Variants in ST8SIA5 observed in about 807,000 individuals in gnomAD.
ST8SIA5 encodes alpha-2,8-sialyltransferase 8E.
In ST8SIA5, 24 loss-of-function variants were observed where a neutral mutation model predicts 40.2. That is an observed-to-expected ratio of 0.60 (90% confidence interval 0.43 to 0.84). The LOEUF is 0.84. Ranked by LOEUF, ST8SIA5 falls within the 40% of genes least tolerant of loss-of-function variation. The pLI is 0.00. For synonymous variants in ST8SIA5, 198 were observed against 201.8 expected, an observed-to-expected ratio of 0.98 and a Z score of 0.16; for missense variants, 465 against 498.5, an observed-to-expected ratio of 0.93 and a Z score of 0.64.
At chr18:46,711,269 A>G (rs903925681) in intron 1 of ST8SIA5, among the ~76,000 whole-genome samples, 1 of 152,158 alleles carries the variant, frequency 6.6e-6, no homozygotes, top group Non-Finnish European at 1.5e-5. Context: ...ACAACTGTCC[A>G]TGACAGCCTG....
rs999889087 is a variant in ST8SIA5 at position 46,674,134 on chromosome 18, A to G, written c.*5908T>C. On this transcript the variant is annotated 3_prime_UTR_variant, in exon 7 of 7. Transcript: ENST00000315087. ...AACACCATTGATAAATCCCTCTTAC[A>G]TTGCTTCCCAGGCTGCACCTCAGCC... is the stretch of plus-strand genomic sequence containing the variant. 1.3e-5 allele frequency: 2 copies of G among 152,008 alleles called. No individual in the cohort carries two copies. The highest frequency in any genetic ancestry group is 4.8e-5 in the African/African-American group (2 of 41,344). The allele number at this position is 152,008 out of a possible 1,614,324, so 9.4% of individuals were successfully genotyped here.
intron 5 of ST8SIA5, 163 bp downstream of exon 5, chr18:46,686,011 A>G (rs2039442349): frequency 3.0e-6 from 2 of 659,754 alleles, no homozygotes; most frequent in Non-Finnish European, 5.3e-6. Context: ...ACTTCCCCAA[A>G]GGGATGGGGC....
chr18:46,731,881 A>T (rs1488076406), intron 1 of ST8SIA5: 6 of 152,160 alleles, frequency 3.9e-5, no homozygotes, highest in African/African-American at 1.4e-4. Context: ...ACCGCACATT[A>T]ATCATTTATA....
chr18:46,724,920 A>G (rs2039898780), intron 1 of ST8SIA5, among the ~76,000 whole-genome samples: 1 of 151,738 alleles, frequency 6.6e-6, no homozygotes, highest in Non-Finnish European at 1.5e-5. Context: ...GATTGCAGTG[A>G]GGAGAGATCA....
chr18:46,711,061 A>G (rs971352680), intron 1 of ST8SIA5, among the ~76,000 whole-genome samples: 4 of 152,132 alleles, frequency 2.6e-5, no homozygotes, highest in African/African-American at 9.7e-5. Flanking sequence ...AGAACCATGG[A>G]GTTGTTTATT....
intron 1 of ST8SIA5, among the ~76,000 whole-genome samples, chr18:46,733,019 A>G (rs2039999923): frequency 6.6e-6 from 1 of 152,092 alleles, no homozygotes; most frequent in Non-Finnish European, 1.5e-5. Context: ...GGGAGGCTGG[A>G]CCCAGGGCTC....
At chr18:46,683,226 A>C (rs1432669861) in intron 5 of ST8SIA5, among the ~76,000 whole-genome samples, 1 of 152,208 alleles carries the variant, frequency 6.6e-6, no homozygotes, top group African/African-American at 2.4e-5. Context: ...CAGTTGATAC[A>C]AAGGCACCAT....
At chr18:46,726,102 G>A (rs2039927009) in intron 1 of ST8SIA5, among the ~76,000 whole-genome samples, 2 of 142,836 alleles carry the variant, frequency 1.4e-5, no homozygotes, top group South Asian at 4.5e-4. Flanking sequence ...GCTGAGGCAG[G>A]AGAATTGCTT....
At chr18:46,736,597 T>C (rs1319680463) in intron 1 of ST8SIA5, among the ~76,000 whole-genome samples, 2 of 152,070 alleles carry the variant, frequency 1.3e-5, no homozygotes, top group Non-Finnish European at 2.9e-5. Context: ...TTGTGGGGTG[T>C]GGTTTATTTC....
chr18:46,723,931 A>T (rs1599135168), intron 1 of ST8SIA5, among the ~76,000 whole-genome samples: 1 of 152,164 alleles, frequency 6.6e-6, no homozygotes. Context: ...CATCTAAAAA[A>T]AAAAAAGAAA....
At chr18:46,705,662 T>C (rs2039662969) in intron 1 of ST8SIA5, among the ~76,000 whole-genome samples, 1 of 152,218 alleles carries the variant, frequency 6.6e-6, no homozygotes, top group South Asian at 2.1e-4. Context: ...GTGAGCCCTC[T>C]CCTCACAGCC....
intron 1 of ST8SIA5, among the ~76,000 whole-genome samples, chr18:46,719,794 T>C (rs1231079917): frequency 2.8e-5 from 4 of 143,736 alleles, no homozygotes; most frequent in Non-Finnish European, 6.0e-5. Context: ...TTTTCTTTCT[T>C]TCTCTCTCTC....
intron 6 of ST8SIA5, among the ~76,000 whole-genome samples, chr18:46,681,762 C>G (rs528256020): frequency 6.6e-6 from 1 of 152,180 alleles, no homozygotes; most frequent in African/African-American, 2.4e-5. Flanking sequence ...CCCACTATTT[C>G]GAAAATACTA....
rs762667014 is a variant in ST8SIA5, at chr18:46,686,245, T to C, written c.498A>G (p.Val166=). 8 of 1,614,030 alleles carry C rather than the reference T, an allele frequency of 5.0e-6. No homozygotes were observed. The African/African-American group carries it at 5.3e-5, about 11-fold the overall frequency. Residue 166 remains valine (V), a synonymous_variant, in exon 5 of 7, where the codon GTA becomes GTG. Coordinates refer to ENST00000315087, the MANE Select transcript of ST8SIA5 (RefSeq NM_013305.6). Reference sequence around the variant, plus strand: ...TCTTCAAGATGCCTCCGTTGCCCACTACAGCACACTTCTTAAACTGGGACC... The same window carrying C: ...TCTTCAAGATGCCTCCGTTGCCCACCACAGCACACTTCTTAAACTGGGACC... The part of the protein sequence containing the change: ...YYRSQFKKCA[V]VGNGGILKNS...
At chr18:46,698,209 AAAC>A (rs1273698935) in intron 2 of ST8SIA5, among the ~76,000 whole-genome samples, 12 of 151,920 alleles carry the variant, frequency 7.9e-5, no homozygotes, top group Admixed American at 5.9e-4. Context: ...CCAACAATCA[AAAC>A]AACAACCCAA....
chr18:46,730,092 C>T, intron 1 of ST8SIA5: 1 of 856,308 alleles, frequency 1.2e-6, no homozygotes, highest in Non-Finnish European at 1.4e-6. Flanking sequence ...TTATCAGTGC[C>T]TCTCCATCAG....
rs189338599 is a variant in ST8SIA5, at chr18:46,741,413, A to G, written c.131+14965T>C. On this transcript the variant is annotated intron_variant, in intron 1 of 6. Transcript: ENST00000315087. ...TTAGTAAAGTTTTCCCATATGGAAA[A>G]CATTAGGTGCAGATGGTTGTAGAGG... Among the ~76,000 whole-genome samples, 22 of 152,302 alleles carry G rather than the reference A, an allele frequency of 1.4e-4. No individual in the cohort carries two copies. In the East Asian group the frequency reaches 4.1e-3, roughly 28 times the overall value.
intron 1 of ST8SIA5, among the ~76,000 whole-genome samples, chr18:46,741,772 T>G (rs985106556): frequency 1.3e-5 from 2 of 152,184 alleles, no homozygotes; most frequent in African/African-American, 4.8e-5. Context: ...CACCATTCAA[T>G]AGATGTAGAA....
intron 2 of ST8SIA5, among the ~76,000 whole-genome samples, chr18:46,694,269 T>C (rs1038289258): frequency 2.0e-5 from 3 of 152,156 alleles, no homozygotes; most frequent in African/African-American, 4.8e-5. Flanking sequence ...TGGTCAAATA[T>C]AGTTGGGGAA....
Sources: gnomAD v4.1 joint callset for allele counts (sites outside exome capture counted in the v4.1 genomes callset) on GRCh38, gnomAD v4.1.1 for gene constraint, MANE v1.5 for transcripts, NCBI Gene and HGNC (gene_info 2026-07-23, HGNC 2026-07-21) for gene names.